Variants in WDR19 observed in about 807,000 individuals in gnomAD.
WDR19 encodes the protein WD repeat domain 19.
Under a neutral mutation model 180.0 loss-of-function variants are expected in WDR19, and 121 were observed. The observed-to-expected ratio is 0.67, with a 90% CI of 0.58 to 0.78. The LOEUF is 0.78. WDR19 is among the 30% of genes least tolerant of loss of function. The pLI is 0.00. For synonymous variants in WDR19, 497 were observed against 540.7 expected (o/e 0.92, Z 1.12); for missense variants, 1,450 against 1,640.7 (o/e 0.88, Z 2.01).
At chr4:39,278,808 ATT>A (rs5857667) in intron 36 of WDR19, 145 bp downstream of exon 36, 5 of 429,590 alleles carry the variant, frequency 1.2e-5, no homozygotes, top group African/African-American at 4.1e-5. Flanking sequence ...CTTTTGATGT[ATT>A]TTTTTTAATG....
intron 19 of WDR19, among the ~76,000 whole-genome samples, chr4:39,232,925 A>G (rs1482168305): frequency 1.3e-5 from 2 of 152,228 alleles, no homozygotes; most frequent in Non-Finnish European, 2.9e-5. Context: ...GCATGGTATT[A>G]TAACATTACT....
intron 13 of WDR19, 114 bp from the exon 14 acceptor site, chr4:39,217,869 G>A (rs1435079665): frequency 1.9e-5 from 26 of 1,338,628 alleles, no homozygotes; most frequent in South Asian, 1.3e-4. Flanking sequence ...CTGACCTCTC[G>A]TAGTCTTGGG....
chr4:39,187,223 A>G (rs1212607175), intron 3 of WDR19, among the ~76,000 whole-genome samples: 1 of 152,026 alleles, frequency 6.6e-6, no homozygotes, highest in Non-Finnish European at 1.5e-5. Flanking sequence ...GATGGAGACC[A>G]TCCTGGCTAA....
intron 3 of WDR19, among the ~76,000 whole-genome samples, chr4:39,188,602 GA>G (rs1440506288): frequency 7.2e-6 from 1 of 138,144 alleles, no homozygotes; most frequent in Non-Finnish European, 1.5e-5. Context: ...CTGGGCGGCA[GA>G]GCCAGACCTT....
intron 27 of WDR19, among the ~76,000 whole-genome samples, 183 bp from the exon 28 acceptor site, chr4:39,257,303 A>AT (rs1733857838): frequency 6.6e-6 from 1 of 152,170 alleles, no homozygotes; most frequent in African/African-American, 2.4e-5. Context: ...GGGTCCTTCC[A>AT]TTTTTTAAAC....
intron 35 of WDR19, 134 bp from the exon 36 acceptor site, chr4:39,278,405 C>A (rs376469538): frequency 2.4e-6 from 2 of 822,116 alleles, no homozygotes; most frequent in African/African-American, 3.5e-5. Context: ...CTGAATAGTT[C>A]TGATTCTCAA....
intron 24 of WDR19, among the ~76,000 whole-genome samples, chr4:39,247,805 A>C (rs916381772): frequency 1.3e-5 from 2 of 152,238 alleles, no homozygotes; most frequent in African/African-American, 2.4e-5. Flanking sequence ...GTTTAGAGAA[A>C]AAAGAATAAA....
At chr4:39,209,681 C>T (rs1369350010) in intron 9 of WDR19, among the ~76,000 whole-genome samples, 1 of 139,966 alleles carries the variant, frequency 7.1e-6, no homozygotes, top group Non-Finnish European at 1.5e-5. Flanking sequence ...CATTGCACTC[C>T]AGCCTCAGTG....
At chr4:39,190,500 A>G (rs1726041114) in intron 4 of WDR19, among the ~76,000 whole-genome samples, 1 of 152,184 alleles carries the variant, frequency 6.6e-6, no homozygotes, top group Admixed American at 6.5e-5. Context: ...ACCCCTCTCC[A>G]AGCCTCAATT....
At chr4:39,221,723 A>T (rs926362876) in intron 14 of WDR19, among the ~76,000 whole-genome samples, 3 of 152,130 alleles carry the variant, frequency 2.0e-5, no homozygotes, top group Admixed American at 1.3e-4. Flanking sequence ...TGTAAATGTA[A>T]TAAATGTTTG....
chr4:39,224,887 G>T lies in WDR19; in HGVS notation c.1483G>T (p.Gly495Cys), dbSNP rs1215108056. 6 of 1,472,156 alleles carry T rather than the reference G, an allele frequency of 4.1e-6. No homozygotes were observed. Among genetic ancestry groups the T allele is most frequent in the South Asian group, 1.4e-5 (1 of 69,072 alleles). The allele number at this position is 1,472,156 out of a possible 1,614,324, so 91.2% of individuals were successfully genotyped here. A position where few individuals can be genotyped will look rare whatever the true frequency, so the allele number is the denominator to read the frequency against. Residue 495 changes from glycine to cysteine, a missense_variant, in exon 15 of 37, where the codon GGT becomes TGT. Gly to Cys is a radical substitution (Grantham distance 159). Coordinates refer to ENST00000399820, the MANE Select transcript of WDR19 (RefSeq NM_025132.4). ...SDFLIYGTDT[G>C]VVQYFYIEDW... ...CTGGATTTTTTTTTTTTTTTAGACT[G>T]GTGTCGTTCAGTATTTCTACATTGA... is the stretch of plus-strand genomic sequence containing the variant.
rs890152763 is a variant in WDR19 at position 39,245,367 on chromosome 4, A to C, written c.2646-2A>C. On this transcript the variant is annotated splice_acceptor_variant, in intron 23 of 36. Coordinates refer to ENST00000399820, the MANE Select transcript of WDR19 (RefSeq NM_025132.4). LOFTEE classifies it high-confidence loss of function. ...ACTGTTCTCCTGGACCTACCTTTCC[A>C]GGGCAAAAGTTGGTGATCTTCTGCC... 1 of 1,612,720 alleles carries C rather than the reference A, an allele frequency of 6.2e-7. No homozygotes were observed. The highest frequency in any genetic ancestry group is 8.5e-7 in the Non-Finnish European group (1 of 1,179,418).
intron 24 of WDR19, among the ~76,000 whole-genome samples, chr4:39,246,743 G>A (rs1732567470): frequency 6.6e-6 from 1 of 152,194 alleles, no homozygotes; most frequent in African/African-American, 2.4e-5. Context: ...CACCCACGGA[G>A]CCTCACTCAT....
chr4:39,260,340 C>CTTTTTTTTTTTTT (rs71192837), intron 28 of WDR19, among the ~76,000 whole-genome samples: 1 of 89,966 alleles, frequency 1.1e-5, no homozygotes, highest in South Asian at 3.9e-4. Flanking sequence ...TTTTTTTTTT[C>CTTTTTTTTTTTTT]TTTTTTTTTT....
At chr4:39,215,433 G>A (rs1728968479) in intron 10 of WDR19, among the ~76,000 whole-genome samples, 1 of 151,882 alleles carries the variant, frequency 6.6e-6, no homozygotes, top group African/African-American at 2.4e-5. Context: ...ACATTTGCCT[G>A]CAGTGTTCAG....
rs1733422418 is a variant in WDR19, at chr4:39,253,252, A to G, written c.2836A>G (p.Arg946Gly). 6.2e-7 allele frequency: 1 copy of G among 1,613,498 alleles called. No homozygotes were observed. Among genetic ancestry groups the G allele is most frequent in the East Asian group, 2.2e-5 (1 of 44,832 alleles). ...TCCTGAAAAAGCTGTCAATATTGTTAGAGAGACCCAGTCTCTGGATGGAGC... is the reference window on the plus strand; with the variant it reads ...TCCTGAAAAAGCTGTCAATATTGTTGGAGAGACCCAGTCTCTGGATGGAGC... ...NNPEKAVNIVRETQSLDGAKM... is the reference protein window; with the variant it reads ...NNPEKAVNIVGETQSLDGAKM... Residue 946 changes from arginine (R) to glycine (G), a missense_variant, in exon 25 of 37, where the codon AGA becomes GGA. Coordinates refer to ENST00000399820, the MANE Select transcript of WDR19 (RefSeq NM_025132.4).
intron 32 of WDR19, 161 bp from the exon 33 acceptor site, chr4:39,274,647 C>T (rs145198969): frequency 4.1e-5 from 32 of 785,008 alleles, no homozygotes; most frequent in East Asian, 3.9e-4. Context: ...CCCACAGCTA[C>T]GTACTTTCCT....
intron 36 of WDR19, among the ~76,000 whole-genome samples, chr4:39,280,457 G>A (rs903030487): frequency 6.6e-6 from 1 of 152,084 alleles, no homozygotes; most frequent in Admixed American, 6.6e-5. Context: ...TCAGAAGTTT[G>A]AGACCAGCCT....
intron 24 of WDR19, among the ~76,000 whole-genome samples, chr4:39,245,694 T>G (rs1019786047): frequency 6.6e-6 from 1 of 152,186 alleles, no homozygotes. Context: ...GGTTTTATAA[T>G]GGAAGTTGAA....
Sources: allele counts gnomAD v4.1 joint callset (sites outside exome capture counted in the v4.1 genomes callset), GRCh38; gene constraint gnomAD v4.1.1; transcripts MANE v1.5; gene names NCBI Gene and HGNC (gene_info 2026-07-23, HGNC 2026-07-21).